The following NUDT19 variants were observed in gnomAD, a reference collection of about 807,000 sequenced individuals.
The protein encoded by NUDT19 is acyl-coenzyme A diphosphatase NUDT19.
Under a neutral mutation model 22.2 loss-of-function variants are expected in NUDT19, and 31 were observed. The ratio of observed to expected loss-of-function variants is 1.40; its 90% confidence interval spans 1.05 to 1.89. The LOEUF (loss-of-function observed/expected upper bound fraction) is 1.89, where lower values mean the gene tolerates loss of function less well. Among genes scored for constraint, NUDT19 ranks in the 40% most tolerant of loss-of-function variants. The pLI is 0.00. For missense variants in NUDT19, 752 were observed against 514.2 expected (o/e 1.46, Z -4.47); for synonymous variants, 325 against 230.8 (o/e 1.41, Z -3.70).
chr19:32,697,393 G>T (rs1599797326), intron 1 of NUDT19, among the ~76,000 whole-genome samples: 1 of 152,274 alleles, frequency 6.6e-6, no homozygotes, highest in Non-Finnish European at 1.5e-5. Context: ...CGGGTGACAG[G>T]GGAGTGTATT....
chr19:32,706,248 T>G (rs1203405184), intron 1 of NUDT19, among the ~76,000 whole-genome samples: 1 of 152,216 alleles, frequency 6.6e-6, no homozygotes, highest in East Asian at 1.9e-4. Context: ...CAGGTACAGC[T>G]TTATCCCTGG....
Position 32,692,282 on chromosome 19 carries a change from G to T in NUDT19, c.322G>T (p.Asp108Tyr), listed in dbSNP as rs760009129. 6.3e-7 allele frequency: 1 copy of T among 1,592,868 alleles called. No individual in the cohort carries two copies. Among genetic ancestry groups the T allele is most frequent in the Non-Finnish European group, 8.5e-7 (1 of 1,177,708 alleles). Residue 108 changes from aspartate to tyrosine, a missense_variant, in exon 1 of 3, where the codon GAT becomes TAT. Asp to Tyr is a radical substitution (Grantham distance 160). Coordinates refer to ENST00000397061, the MANE Select transcript of NUDT19 (RefSeq NM_001105570.2). Reference protein sequence around the residue: ...RTAFPSLPDTDDHKTDNTGTL... With the variant: ...RTAFPSLPDTYDHKTDNTGTL... ...CGCTTTCCCGTCGCTGCCCGACACC[G>T]ATGACCACAAGACCGACAACACTGG...
In NUDT19 at chr19:32,692,597, GAC is replaced by G; in HGVS notation, c.640_641del (p.Thr214GlyfsTer33). ...PFLRGTTRRF[D>X]TAFFLCCLRE... ...CTTGCGGGGCACCACTCGCCGCTTT[GAC>G]ACGGCCTTCTTCCTGTGCTGCCTGC... is the stretch of plus-strand genomic sequence containing the variant. On this transcript the variant is annotated frameshift_variant, in exon 1 of 3. Transcript: ENST00000397061. LOFTEE classifies it high-confidence loss of function. 1.3e-6 allele frequency: 2 copies of G among 1,579,794 alleles called. No homozygotes were observed. Among genetic ancestry groups the G allele is most frequent in the Non-Finnish European group, 1.7e-6 (2 of 1,167,464 alleles).
rs1363327985 is a variant in NUDT19 at position 32,692,471 on chromosome 19, G to C, written c.511G>C (p.Val171Leu). Residue 171 changes from valine (V) to leucine (L), a missense_variant, in exon 1 of 3, where the codon GTG (valine) becomes CTG (leucine). Coordinates refer to ENST00000397061, the MANE Select transcript of NUDT19 (RefSeq NM_001105570.2). ...PPGLASWRDR[V>L]RQDPRHFLRL... is the part of the protein sequence containing the mutation. ...GGGCCTGGCCTCCTGGCGCGACCGCGTGCGCCAGGACCCGCGCCACTTCCT... is the reference window on the plus strand; with the variant it reads ...GGGCCTGGCCTCCTGGCGCGACCGCCTGCGCCAGGACCCGCGCCACTTCCT... 2 of 1,548,756 alleles carry C rather than the reference G, an allele frequency of 1.3e-6. No homozygotes were observed. Among genetic ancestry groups the C allele is most frequent in the East Asian group, 2.5e-5 (1 of 40,456 alleles).
intron 1 of NUDT19, among the ~76,000 whole-genome samples, chr19:32,703,776 C>T (rs142825587): frequency 0.013 from 2,002 of 148,952 alleles, 43 homozygotes; most frequent in African/African-American, 0.047. Flanking sequence ...GATTCTCCTG[C>T]CTCAGCCTCC....
chr19:32,699,998 C>T (rs1014834230), intron 1 of NUDT19, among the ~76,000 whole-genome samples: 2 of 152,016 alleles, frequency 1.3e-5, no homozygotes, highest in African/African-American at 4.8e-5. Context: ...CCTGGTCTCG[C>T]TGGCTTGGAG....
chr19:32,692,779 A>G, intron 1 of NUDT19, 105 bp downstream of exon 1: 1 of 802,628 alleles, frequency 1.2e-6, no homozygotes, highest in Non-Finnish European at 1.8e-6. Flanking sequence ...CCAAGCCCAG[A>G]GAGATTAAGC....
intron 1 of NUDT19, 123 bp downstream of exon 1, chr19:32,692,797 A>G: frequency 1.5e-6 from 1 of 671,276 alleles, no homozygotes. Context: ...AGCAGCAAGG[A>G]ACGCTTAGAC....
At chr19:32,705,680 G>A (rs1169773845) in intron 1 of NUDT19, among the ~76,000 whole-genome samples, 3 of 151,440 alleles carry the variant, frequency 2.0e-5, no homozygotes, top group East Asian at 4.0e-4. Flanking sequence ...CTCCTCCCTG[G>A]TTCAGGTGAT....
intron 2 of NUDT19, among the ~76,000 whole-genome samples, chr19:32,710,302 C>T (rs1272996034): frequency 6.6e-6 from 1 of 150,494 alleles, no homozygotes; most frequent in East Asian, 2.0e-4. Flanking sequence ...GCATGAGCCA[C>T]TGTGCCCAGC....
intron 1 of NUDT19, among the ~76,000 whole-genome samples, chr19:32,695,627 C>T (rs574496817): frequency 1.1e-4 from 16 of 152,148 alleles, no homozygotes; most frequent in African/African-American, 2.2e-4. Flanking sequence ...CTCTGCCAGC[C>T]GCTTATGCTG....
chr19:32,694,667 G>A (rs1345586821), intron 1 of NUDT19, among the ~76,000 whole-genome samples: 1 of 152,142 alleles, frequency 6.6e-6, no homozygotes, highest in African/African-American at 2.4e-5. Context: ...GTGTTACACT[G>A]TTAACTTTTA....
chr19:32,704,382 C>T (rs76625122), intron 1 of NUDT19, among the ~76,000 whole-genome samples: 2 of 152,010 alleles, frequency 1.3e-5, no homozygotes, highest in Non-Finnish European at 2.9e-5. Context: ...CTGCCTCAGC[C>T]TCCTGAGTAG....
rs991867321 is a variant in NUDT19 at position 32,713,045 on chromosome 19, T to G, written c.*1088T>G. 3 of 152,244 alleles carry G rather than the reference T, an allele frequency of 2.0e-5. No individual in the cohort carries two copies. Among genetic ancestry groups the G allele is most frequent in the Admixed American group, 6.5e-5 (1 of 15,282 alleles). The allele number at this position is 152,244 out of a possible 1,614,324, so 9.4% of individuals were successfully genotyped here. A position where few individuals can be genotyped will look rare whatever the true frequency, so the allele number is the denominator to read the frequency against. On this transcript the variant is annotated 3_prime_UTR_variant, in exon 3 of 3. Coordinates refer to ENST00000397061, the MANE Select transcript of NUDT19 (RefSeq NM_001105570.2). ...TTCAAGTGACCATGTCATTGTTTTC[T>G]TGCTATGTCTTTAGCTTAATGATTA...
chr19:32,701,351 G>A (rs193078529), intron 1 of NUDT19, among the ~76,000 whole-genome samples: 12 of 151,890 alleles, frequency 7.9e-5, no homozygotes, highest in East Asian at 3.9e-4. Flanking sequence ...GATTACGGGC[G>A]CCTGCCACCA....
chr19:32,707,806 G>A (rs1182575671), intron 1 of NUDT19, among the ~76,000 whole-genome samples: 3 of 151,754 alleles, frequency 2.0e-5, no homozygotes, highest in South Asian at 2.1e-4. Context: ...GTGAAACCCC[G>A]TCTCTACTAA....
intron 1 of NUDT19, among the ~76,000 whole-genome samples, chr19:32,699,410 C>T (rs941167685): frequency 1.3e-5 from 2 of 152,134 alleles, no homozygotes; most frequent in African/African-American, 2.4e-5. Flanking sequence ...AACTTGTTGT[C>T]GGGACCCCGG....
intron 1 of NUDT19, among the ~76,000 whole-genome samples, chr19:32,702,572 C>T (rs995274774): frequency 3.9e-5 from 6 of 152,114 alleles, no homozygotes; most frequent in Non-Finnish European, 7.3e-5. Flanking sequence ...CATGCCACTG[C>T]ACTCCAGCCT....
At chr19:32,702,342 C>T (rs1446847546) in intron 1 of NUDT19, among the ~76,000 whole-genome samples, 1 of 152,246 alleles carries the variant, frequency 6.6e-6, no homozygotes, top group African/African-American at 2.4e-5. Context: ...AAACTCCCCA[C>T]ATTCCTTTGT....
Sources: allele counts gnomAD v4.1 joint callset (sites outside exome capture counted in the v4.1 genomes callset), GRCh38; gene constraint gnomAD v4.1.1; transcripts MANE v1.5; gene names NCBI Gene and HGNC (gene_info 2026-07-23, HGNC 2026-07-21).